The following TTC27 variants were observed in gnomAD, a reference collection of about 807,000 sequenced individuals.
TTC27 encodes the protein tetratricopeptide repeat protein 27.
In TTC27, 79 loss-of-function variants were observed where a neutral mutation model predicts 115.9. The ratio of observed to expected loss-of-function variants is 0.68; its 90% CI spans 0.57 to 0.82. TTC27 has a LOEUF of 0.82. Among genes scored for constraint, TTC27 ranks in the 40% least tolerant of loss-of-function variants. The pLI is 0.00. For missense variants in TTC27, 1,054 were observed against 993.1 expected, an observed-to-expected ratio of 1.06 and a Z score of -0.82; for synonymous variants, 401 against 356.0, an observed-to-expected ratio of 1.13 and a Z score of -1.42.
intron 12 of TTC27, among the ~76,000 whole-genome samples, chr2:32,741,843 A>G (rs1357135364): frequency 6.6e-6 from 1 of 152,170 alleles, no homozygotes; most frequent in Non-Finnish European, 1.5e-5. Flanking sequence ...CATGTGGCAG[A>G]AGATACCCCT....
intron 12 of TTC27, among the ~76,000 whole-genome samples, chr2:32,740,847 G>A (rs1429774943): frequency 6.6e-6 from 1 of 151,920 alleles, no homozygotes; most frequent in Non-Finnish European, 1.5e-5. Context: ...TAGAGATGAG[G>A]GTTCACCATA....
At chr2:32,766,933 G>T (rs1246424711) in intron 13 of TTC27, among the ~76,000 whole-genome samples, 2 of 152,042 alleles carry the variant, frequency 1.3e-5, no homozygotes, top group African/African-American at 4.8e-5. Flanking sequence ...CTATAGGCAT[G>T]CACCACCACG....
intron 10 of TTC27, among the ~76,000 whole-genome samples, chr2:32,713,080 G>T (rs781450409): frequency 1.3e-5 from 2 of 152,006 alleles, no homozygotes; most frequent in Non-Finnish European, 2.9e-5. Context: ...TCTCTCTCTT[G>T]CTCTCACTCT....
chr2:32,672,261 T>C lies in TTC27; in HGVS notation c.940-11T>C. The C allele has an allele frequency of 6.2e-7, 1 of 1,600,920 alleles. No individual in the cohort carries two copies. The highest frequency in any genetic ancestry group is 2.2e-5 in the East Asian group (1 of 44,790). On this transcript the variant is annotated splice_polypyrimidine_tract_variant and intron_variant, in intron 7 of 19. Coordinates refer to ENST00000317907, the MANE Select transcript of TTC27 (RefSeq NM_017735.5). ...TTTTTGGTCTAAGTATTTTCTTTTG[T>C]ATTCTACTAGAATCTTGAGCTCAAT...
intron 9 of TTC27, among the ~76,000 whole-genome samples, chr2:32,691,864 C>T (rs1437792269): frequency 6.6e-6 from 1 of 151,634 alleles, no homozygotes; most frequent in Non-Finnish European, 1.5e-5. Flanking sequence ...AATGAGAGAA[C>T]TTTTCTTAAG....
intron 12 of TTC27, among the ~76,000 whole-genome samples, chr2:32,743,873 G>T (rs770760727): frequency 6.6e-6 from 1 of 152,174 alleles, no homozygotes; most frequent in Non-Finnish European, 1.5e-5. Flanking sequence ...TCACCTAAAG[G>T]AGTTCTCCTG....
intron 4 of TTC27, among the ~76,000 whole-genome samples, chr2:32,642,754 A>G (rs921359603): frequency 5.3e-5 from 8 of 150,350 alleles, no homozygotes; most frequent in African/African-American, 1.5e-4. Flanking sequence ...TGCAACCTCC[A>G]CCTCCTGGGC....
Position 32,733,845 on chromosome 2 carries a change from T to C in TTC27, c.1251T>C (p.Phe417=). The C allele has an allele frequency of 6.2e-7, 1 of 1,611,062 alleles. No homozygotes were observed. The highest frequency in any genetic ancestry group is 8.5e-7 in the Non-Finnish European group (1 of 1,178,480). The change falls in exon 11 of 20, where the codon TTT becomes TTC. Residue 417 remains phenylalanine, a synonymous_variant. Coordinates refer to ENST00000317907, the MANE Select transcript of TTC27 (RefSeq NM_017735.5). ...MRQTQALADQ[F]EDKTTSVLER... Reference sequence around the variant, plus strand: ...CCTTTAAGGCTCTTGCAGACCAATTTGAAGATAAAACTACATCTGTATTGG... The same window carrying C: ...CCTTTAAGGCTCTTGCAGACCAATTCGAAGATAAAACTACATCTGTATTGG...
At chr2:32,748,458 A>G (rs1668901160) in intron 12 of TTC27, among the ~76,000 whole-genome samples, 1 of 152,158 alleles carries the variant, frequency 6.6e-6, no homozygotes, top group South Asian at 2.1e-4. Context: ...GGTTTATAGC[A>G]TTATTCATGT....
intron 18 of TTC27, among the ~76,000 whole-genome samples, chr2:32,814,515 C>T (rs1671432643): frequency 6.6e-6 from 1 of 152,210 alleles, no homozygotes; most frequent in Admixed American, 6.5e-5. Flanking sequence ...CTGGATTTCT[C>T]TGTGTATGAG....
chr2:32,631,175 C>T (rs1279144505), intron 2 of TTC27, among the ~76,000 whole-genome samples: 4 of 152,020 alleles, frequency 2.6e-5, no homozygotes, highest in Non-Finnish European at 4.4e-5. Context: ...TGGTGGCATG[C>T]GCCTGTAATC....
At chr2:32,754,302 T>C (rs1002359463) in intron 12 of TTC27, among the ~76,000 whole-genome samples, 19 of 150,980 alleles carry the variant, frequency 1.3e-4, no homozygotes, top group African/African-American at 4.6e-4. Flanking sequence ...CCTTCCGCAG[T>C]GTTTGTGTCC....
intron 7 of TTC27, among the ~76,000 whole-genome samples, chr2:32,671,794 G>A (rs1666025316): frequency 6.6e-6 from 1 of 152,136 alleles, no homozygotes; most frequent in Non-Finnish European, 1.5e-5. Context: ...ACACAGAGTT[G>A]GGAAGTTGAT....
At chr2:32,818,775 C>A (rs1339179578) in intron 19 of TTC27, among the ~76,000 whole-genome samples, 1 of 152,104 alleles carries the variant, frequency 6.6e-6, no homozygotes, top group African/African-American at 2.4e-5. Context: ...CACAGGGAGG[C>A]CATTTCTGAA....
At chr2:32,634,058 A>G in intron 3 of TTC27, 53 bp downstream of exon 3, 1 of 1,558,434 alleles carries the variant, frequency 6.4e-7, no homozygotes, top group Non-Finnish European at 8.7e-7. Context: ...TTTATTTTTT[A>G]TAAGCAGGTC....
intron 3 of TTC27, among the ~76,000 whole-genome samples, chr2:32,634,622 G>A (rs1664342151): frequency 2.6e-5 from 4 of 151,180 alleles, no homozygotes. Context: ...CTGGAAATCT[G>A]TTTAATTTTA....
chr2:32,640,022 C>CAAA (rs1438383311), intron 3 of TTC27, among the ~76,000 whole-genome samples: 1 of 151,942 alleles, frequency 6.6e-6, no homozygotes, highest in Non-Finnish European at 1.5e-5. Context: ...AAAACAAAAA[C>CAAA]AAAACACCAA....
In TTC27 at chr2:32,785,950, C is replaced by G. The variant is rs116128448; in HGVS notation, c.1833-1034C>G. ...AAATTTCCAGTTATTTTATTCACAT[C>G]TCCTTGTTCTTATTTCATTTCTCCC... On this transcript the variant is annotated intron_variant, in intron 15 of 19. Transcript: ENST00000317907. 1.8e-3 allele frequency among the ~76,000 whole-genome samples: 268 copies of G among 152,090 alleles called. 2 individuals carry two copies. The highest frequency in any genetic ancestry group is 3.3e-3 in the Non-Finnish European group (223 of 67,998).
intron 4 of TTC27, among the ~76,000 whole-genome samples, chr2:32,641,512 A>G (rs1275157551): frequency 1.3e-5 from 2 of 152,204 alleles, no homozygotes; most frequent in Non-Finnish European, 2.9e-5. Context: ...CTATACGGAA[A>G]CCAGTAGTGG....
Sources: gnomAD v4.1 joint callset for allele counts (sites outside exome capture counted in the v4.1 genomes callset) on GRCh38, gnomAD v4.1.1 for gene constraint, MANE v1.5 for transcripts, NCBI Gene and HGNC (gene_info 2026-07-23, HGNC 2026-07-21) for gene names.